RFLNA: variants seen among roughly 807,000 people sequenced by gnomAD.
RFLNA encodes the protein refilin A.
In RFLNA, 5 loss-of-function variants were observed where a neutral mutation model predicts 7.8. That is an observed-to-expected ratio of 0.64 (90% confidence interval 0.34 to 1.35). The LOEUF is 1.35. RFLNA is among the 40% of genes most tolerant of loss of function. RFLNA has a pLI of 0.04. For synonymous variants in RFLNA, 141 were observed against 131.3 expected, an observed-to-expected ratio of 1.07 and a Z score of -0.50; for missense variants, 278 against 305.5, an observed-to-expected ratio of 0.91 and a Z score of 0.67.
chr12:124,295,452 A>C lies in RFLNA; in HGVS notation c.23A>C (p.Gln8Pro), dbSNP rs905837570. MVGHLHL[Q>P]GMEDSLKEQG... is the part of the protein sequence containing the mutation. ...GACATGGTGGGCCACCTGCATCTGC[A>C]GGGCATGGAGGACAGCCTGAAGGAG... is the stretch of plus-strand genomic sequence containing the variant. Residue 8 changes from glutamine (Q) to proline (P), a missense_variant, in exon 1 of 3, where the codon CAG becomes CCG. Gln to Pro is a moderately conservative substitution (Grantham distance 76, BLOSUM62 -1). Transcript: ENST00000546355. 3.5e-5 allele frequency: 43 copies of C among 1,243,886 alleles called. No homozygotes were observed. The highest frequency in any genetic ancestry group is 4.2e-5 in the Non-Finnish European group (42 of 995,324). 77.1% of individuals were successfully genotyped at this position (1,243,886 alleles called of 1,614,324 possible).
rs2034305574 is a variant in RFLNA, at chr12:124,314,218, C to T, written c.344C>T (p.Ser115Leu). 3.7e-6 allele frequency: 6 copies of T among 1,612,972 alleles called. No homozygotes were observed. The highest frequency in any genetic ancestry group is 1.3e-5 in the African/African-American group (1 of 75,054). The change falls in exon 3 of 3, where the codon TCG becomes TTG. Residue 115 changes from serine to leucine, a missense_variant. Ser to Leu is a moderately radical substitution (Grantham distance 145, BLOSUM62 -2). Coordinates refer to ENST00000546355, the MANE Select transcript of RFLNA (RefSeq NM_001365156.1). ...IRCNSEVKYA[S>L]EKHFQDKVFY... Reference sequence around the variant, plus strand: ...TGCAACTCTGAGGTCAAGTACGCCTCGGAGAAGCATTTCCAGGACAAGGTC... The same window carrying T: ...TGCAACTCTGAGGTCAAGTACGCCTTGGAGAAGCATTTCCAGGACAAGGTC...
intron 1 of RFLNA, among the ~76,000 whole-genome samples, chr12:124,298,783 T>C (rs2033974947): frequency 6.6e-6 from 1 of 152,130 alleles, no homozygotes; most frequent in Non-Finnish European, 1.5e-5. Flanking sequence ...TGGTGGTTAA[T>C]AGAAACCCAC....
At chr12:124,300,546 G>C (rs1321159362) in intron 1 of RFLNA, among the ~76,000 whole-genome samples, 4 of 152,148 alleles carry the variant, frequency 2.6e-5, no homozygotes, top group Admixed American at 2.0e-4. Flanking sequence ...TAGGGAGGTA[G>C]TGCTGGGGTT....
At chr12:124,302,985 A>AC (rs1566324363) in intron 1 of RFLNA, among the ~76,000 whole-genome samples, 2 of 150,950 alleles carry the variant, frequency 1.3e-5, no homozygotes, top group African/African-American at 4.9e-5. Context: ...GCAACGGGGG[A>AC]GGGGGGGCTC....
chr12:124,300,309 G>T (rs760011368), intron 1 of RFLNA, among the ~76,000 whole-genome samples: 1 of 152,204 alleles, frequency 6.6e-6, no homozygotes, highest in Non-Finnish European at 1.5e-5. Flanking sequence ...TTTCTGAAGA[G>T]TGTACGTGAG....
chr12:124,296,522 C>A (rs2033932424), intron 1 of RFLNA, among the ~76,000 whole-genome samples: 2 of 143,216 alleles, frequency 1.4e-5, no homozygotes, highest in African/African-American at 4.9e-5. Flanking sequence ...CCCACCTTAA[C>A]AGCTTTACTG....
chr12:124,301,922 C>T (rs533640061), intron 1 of RFLNA, among the ~76,000 whole-genome samples: 6 of 152,158 alleles, frequency 3.9e-5, no homozygotes, highest in Non-Finnish European at 5.9e-5. Flanking sequence ...CTCAGAGTTC[C>T]GGAGGCCAAG....
rs1297304326 is a variant in RFLNA, at chr12:124,301,520, A to C, written c.207+5884A>C. ...TCGGCCTCCCTGCGGGGCACGGTAC[A>C]TGGACTGTGGACACTCCTGGTGTGC... is the stretch of plus-strand genomic sequence containing the variant. On this transcript the variant is annotated intron_variant, in intron 1 of 2. Transcript: ENST00000546355. Among the ~76,000 whole-genome samples the C allele has an allele frequency of 2.0e-5, 3 of 152,256 alleles. No homozygotes were observed. In the South Asian group the frequency reaches 6.2e-4, roughly 32 times the overall value.
upstream of RFLNA, among the ~76,000 whole-genome samples, chr12:124,290,402 C>CA (rs2033803261): frequency 1.3e-5 from 2 of 152,344 alleles, no homozygotes; most frequent in African/African-American, 4.8e-5. The surrounding 1 kb of genome is among the most constrained non-coding windows in gnomAD (Gnocchi z 4.0). Context: ...ATGTGTTTAC[C>CA]TGTGTATATG....
In RFLNA at chr12:124,306,115, A is replaced by G. The variant is rs2034132950; in HGVS notation, c.208-5703A>G. ...TACTCGGGGCTCTCTGGGTTGGGGC[A>G]GGGGCTGCTTTGCAGGTGTGGGGTC... is the stretch of plus-strand genomic sequence containing the variant. On this transcript the variant is annotated intron_variant, in intron 1 of 2. Coordinates refer to ENST00000546355, the MANE Select transcript of RFLNA (RefSeq NM_001365156.1). This position sits in a 1 kb window ranked among gnomAD's most constrained non-coding sequence, Gnocchi z 5.2. 6.6e-6 allele frequency among the ~76,000 whole-genome samples: 1 copy of G among 152,102 alleles called. No homozygotes were observed. Among genetic ancestry groups the G allele is most frequent in the Admixed American group, 6.5e-5 (1 of 15,276 alleles).
chr12:124,293,596 G>GT (rs2033856101), upstream of RFLNA, among the ~76,000 whole-genome samples: 1 of 152,156 alleles, frequency 6.6e-6, no homozygotes, highest in Non-Finnish European at 1.5e-5. Flanking sequence ...TAGTCCCATT[G>GT]TTTTTTTCCC....
intron 1 of RFLNA, among the ~76,000 whole-genome samples, chr12:124,310,517 A>T (rs151211919): frequency 2.1e-3 from 19 of 9,124 alleles, no homozygotes; most frequent in South Asian, 6.9e-3. Flanking sequence ...GACTGCAGGG[A>T]GGGGGAGGTG....
intron 2 of RFLNA, among the ~76,000 whole-genome samples, chr12:124,313,453 C>T (rs185980947): frequency 0.029 from 4,383 of 152,118 alleles, 115 homozygotes; most frequent in African/African-American, 0.066. Context: ...CCGAGGCGGG[C>T]GGATCACGAG....
rs781556283 is a variant in RFLNA, at chr12:124,314,465, C to A, written c.591C>A (p.Ser197Arg). 1 of 1,599,534 alleles carries A rather than the reference C, an allele frequency of 6.3e-7. No homozygotes were observed. The highest frequency in any genetic ancestry group is 1.7e-5 in the Admixed American group (1 of 59,934). ...LGRPSRWFTA[S>R]VQLQLCQDPA... Reference sequence around the variant, plus strand: ...GGCCCAGCCGCTGGTTCACCGCCAGCGTGCAGCTGCAGCTTTGCCAGGACC... The same window carrying A: ...GGCCCAGCCGCTGGTTCACCGCCAGAGTGCAGCTGCAGCTTTGCCAGGACC... The change falls in exon 3 of 3, where the codon AGC becomes AGA. Residue 197 changes from serine (S) to arginine (R), a missense_variant. Ser to Arg is a moderately radical substitution (Grantham distance 110). Coordinates refer to ENST00000546355, the MANE Select transcript of RFLNA (RefSeq NM_001365156.1).
chr12:124,306,478 G>A lies in RFLNA; in HGVS notation c.208-5340G>A, dbSNP rs1250858725. 6.6e-6 allele frequency among the ~76,000 whole-genome samples: 1 copy of A among 152,102 alleles called. No homozygotes were observed. The highest frequency in any genetic ancestry group is 6.5e-5 in the Admixed American group (1 of 15,272). ...CCTTGAGCCTGTGTCGGGGGAGCCT[G>A]GAGCTGAGGGGGCAGCGATGAGACA... On this transcript the variant is annotated intron_variant, in intron 1 of 2. Transcript: ENST00000546355. This position sits in a 1 kb window ranked among gnomAD's most constrained non-coding sequence, Gnocchi z 5.2.
rs1414788120 is a variant in RFLNA, at chr12:124,312,028, G to C, written c.317+101G>C. ...GGGGGTGGGGACTAGGCCAAGCTGG[G>C]GGCTCAGGAGGCTCCCTACCCTCCA... On this transcript the variant is annotated intron_variant, in intron 2 of 2. Transcript: ENST00000546355. The C allele has an allele frequency of 2.2e-6, 3 of 1,346,334 alleles. No individual in the cohort carries two copies. The African/African-American group carries it at 4.6e-5, about 21-fold the overall frequency. The allele number at this position is 1,346,334 out of a possible 1,614,324, so 83.4% of individuals were successfully genotyped here.
At chr12:124,301,963 C>T (rs58233087) in intron 1 of RFLNA, among the ~76,000 whole-genome samples, 8,271 of 152,188 alleles carry the variant, frequency 0.054, 691 homozygotes, top group African/African-American at 0.17. Context: ...GGCGGGGGCA[C>T]GCTCCTCTGG....
chr12:124,296,292 G>C (rs2033926504), intron 1 of RFLNA, among the ~76,000 whole-genome samples: 1 of 149,166 alleles, frequency 6.7e-6, no homozygotes. Context: ...GGGGAGGCTG[G>C]AACCTCGGGT....
At chr12:124,302,552 T>C (rs2034056617) in intron 1 of RFLNA, among the ~76,000 whole-genome samples, 1 of 152,054 alleles carries the variant, frequency 6.6e-6, no homozygotes. Context: ...GACCCACCCC[T>C]GCCCCGGCCC....
Sources: gnomAD v4.1 joint callset for allele counts (sites outside exome capture counted in the v4.1 genomes callset) on GRCh38, gnomAD v4.1.1 for gene constraint, Gnocchi (gnomAD v3.1) non-coding constraint, MANE v1.5 for transcripts, NCBI Gene and HGNC (gene_info 2026-07-23, HGNC 2026-07-21) for gene names.